The following PROX1 variants were observed in gnomAD, a reference collection of about 807,000 sequenced individuals.
The protein encoded by PROX1 is prospero homeobox protein 1.
In PROX1, 7 loss-of-function variants were observed where a neutral mutation model predicts 58.8. The ratio of observed to expected loss-of-function variants is 0.12; its 90% confidence interval spans 0.07 to 0.22. The LOEUF (loss-of-function observed/expected upper bound fraction) is 0.22. Ranked by LOEUF, PROX1 falls within the 10% of genes least tolerant of loss-of-function variation. The pLI is 1.00. For synonymous variants in PROX1, 350 were observed against 358.3 expected, an observed-to-expected ratio of 0.98 and a Z score of 0.26; for missense variants, 675 against 927.8, an observed-to-expected ratio of 0.73 and a Z score of 3.54.
At chr1:213,988,993 A>C (rs1254540154) in intron 1 of PROX1, among the ~76,000 whole-genome samples, 4 of 150,022 alleles carry the variant, frequency 2.7e-5, no homozygotes, top group Admixed American at 1.3e-4. Context: ...CGATCTCCCC[A>C]GGCTAAAACT....
chr1:214,039,923 A>G lies in PROX1; in HGVS notation c.*4089A>G, dbSNP rs752190967. The G allele has an allele frequency of 6.6e-6, 1 of 152,184 alleles. No individual in the cohort carries two copies. Among genetic ancestry groups the G allele is most frequent in the Non-Finnish European group, 1.5e-5 (1 of 68,030 alleles). 9.4% of individuals were successfully genotyped at this position (152,184 alleles called of 1,614,324 possible). A position where few individuals can be genotyped will look rare whatever the true frequency, so the allele number is the denominator to read the frequency against. ...ATCATAAATTTATGAAAGAAAGAGT[A>G]GTTTACAGACTCCCCTGAAAGAAGC... On this transcript the variant is annotated 3_prime_UTR_variant, in exon 5 of 5. Transcript: ENST00000366958.
At chr1:214,015,611 G>A (rs1664066524) in intron 4 of PROX1, among the ~76,000 whole-genome samples, 1 of 151,982 alleles carries the variant, frequency 6.6e-6, no homozygotes, top group Non-Finnish European at 1.5e-5. Flanking sequence ...GTTTTGCAAA[G>A]AGCTCCACCG....
chr1:214,008,102 A>G (rs1663780687), intron 3 of PROX1, among the ~76,000 whole-genome samples: 1 of 151,860 alleles, frequency 6.6e-6, no homozygotes, highest in Non-Finnish European at 1.5e-5. Flanking sequence ...CCCAGGCTGG[A>G]GTGCAATGGT....
chr1:214,027,359 G>A (rs1047369961), intron 4 of PROX1, among the ~76,000 whole-genome samples: 5 of 152,142 alleles, frequency 3.3e-5, no homozygotes, highest in Non-Finnish European at 7.3e-5. Flanking sequence ...TTGCCCATCA[G>A]GTCAGCATGA....
In PROX1 at chr1:213,997,279, A is replaced by G; in HGVS notation, c.744A>G (p.Lys248=). ...AACAGCAGCTGGAGGACATGCAGAA[A>G]CAGCTGCGCCAGCTGCAGGAAAAGT... is the stretch of plus-strand genomic sequence containing the variant. ...QLKQQLEDMQ[K]QLRQLQEKFY... The change falls in exon 2 of 5, where the codon AAA becomes AAG. Residue 248 remains lysine, a synonymous_variant. Coordinates refer to ENST00000366958, the MANE Select transcript of PROX1 (RefSeq NM_001270616.2). The surrounding 1 kb of genome is among the most constrained non-coding windows in gnomAD (Gnocchi z 7.1). The G allele has an allele frequency of 6.2e-7, 1 of 1,613,976 alleles. No individual in the cohort carries two copies.
chr1:214,033,289 C>T lies in PROX1; in HGVS notation c.2029-2360C>T, dbSNP rs529000312. Reference sequence around the variant, plus strand: ...GCTGATGAAACCACCCTTCTTGAAACGTTTATTTTAATAAATGCCTATAAT... The same window carrying T: ...GCTGATGAAACCACCCTTCTTGAAATGTTTATTTTAATAAATGCCTATAAT... On this transcript the variant is annotated intron_variant, in intron 4 of 4. Coordinates refer to ENST00000366958, the MANE Select transcript of PROX1 (RefSeq NM_001270616.2). Among the ~76,000 whole-genome samples the T allele has an allele frequency of 2.9e-4, 44 of 152,278 alleles. No individual in the cohort carries two copies. In the South Asian group the frequency reaches 8.1e-3, roughly 28 times the overall value.
intron 4 of PROX1, among the ~76,000 whole-genome samples, chr1:214,028,490 C>T (rs1664534585): frequency 6.6e-6 from 1 of 152,166 alleles, no homozygotes; most frequent in Non-Finnish European, 1.5e-5. Context: ...CAACTTTTCT[C>T]AACCGGTTGA....
intron 2 of PROX1, among the ~76,000 whole-genome samples, chr1:214,002,972 T>G (rs145267077): frequency 0.011 from 1,650 of 152,346 alleles, 12 homozygotes; most frequent in Non-Finnish European, 0.016. Flanking sequence ...CCATTTCAAC[T>G]GATCAGTTCC....
At chr1:214,027,875 A>T (rs562813849) in intron 4 of PROX1, among the ~76,000 whole-genome samples, 7 of 149,436 alleles carry the variant, frequency 4.7e-5, no homozygotes, top group Non-Finnish European at 7.4e-5. Context: ...TATATATATA[A>T]AAGAGATACA....
At chr1:214,001,621 T>C (rs545575291) in intron 2 of PROX1, among the ~76,000 whole-genome samples, 2 of 152,144 alleles carry the variant, frequency 1.3e-5, no homozygotes, top group South Asian at 4.1e-4. Context: ...TTAGAAAGAC[T>C]TGAAGTTTAG....
chr1:214,035,868 G>A lies in PROX1; in HGVS notation c.*34G>A. 1 of 1,571,154 alleles carries A rather than the reference G, an allele frequency of 6.4e-7. No homozygotes were observed. Among genetic ancestry groups the A allele is most frequent in the Non-Finnish European group, 8.7e-7 (1 of 1,154,034 alleles). ...ACAACTCTTTTTGAATGTATGAAGA[G>A]TAGCAGTCCCCTTTGGATGTCCAAG... On this transcript the variant is annotated 3_prime_UTR_variant, in exon 5 of 5. Transcript: ENST00000366958.
chr1:214,000,367 G>A (rs1380312242), intron 2 of PROX1, among the ~76,000 whole-genome samples: 11 of 152,148 alleles, frequency 7.2e-5, no homozygotes, highest in African/African-American at 2.7e-4. Flanking sequence ...ATTGAAATAA[G>A]TTCCTTTTAT....
Position 213,997,933 on chromosome 1 carries a change from G to A in PROX1, c.1398G>A (p.Gln466=), listed in dbSNP as rs755419605. Reference sequence around the variant, plus strand: ...GCGGCCACCACCAGCCCCTGCACCAGTCGCCTCTCTCTGCCACCACGGGCT... The same window carrying A: ...GCGGCCACCACCAGCCCCTGCACCAATCGCCTCTCTCTGCCACCACGGGCT... ...AAGGHHQPLH[Q]SPLSATTGFT... is the part of the protein sequence containing the mutation. Residue 466 remains glutamine, a synonymous_variant, in exon 2 of 5, where the codon CAG becomes CAA. Coordinates refer to ENST00000366958, the MANE Select transcript of PROX1 (RefSeq NM_001270616.2). The surrounding 1 kb of genome is among the most constrained non-coding windows in gnomAD (Gnocchi z 7.1). 4 of 1,613,660 alleles carry A rather than the reference G, an allele frequency of 2.5e-6. No homozygotes were observed. In the African/African-American group the frequency reaches 5.3e-5, roughly 22 times the overall value.
rs2102797251 is a variant in PROX1 at position 214,039,597 on chromosome 1, C to T, written c.*3763C>T. 1 of 152,266 alleles carries T rather than the reference C, an allele frequency of 6.6e-6. No individual in the cohort carries two copies. Among genetic ancestry groups the T allele is most frequent in the South Asian group, 2.1e-4 (1 of 4,830 alleles). 9.4% of individuals were successfully genotyped at this position (152,266 alleles called of 1,614,324 possible). ...ATTCTCACGACATCTGTTGAATTTA[C>T]TAGGAACACTACAGTGACTGTATAG... On this transcript the variant is annotated 3_prime_UTR_variant, in exon 5 of 5. Transcript: ENST00000366958.
At chr1:214,010,980 C>T (rs1052691115) in intron 3 of PROX1, among the ~76,000 whole-genome samples, 1 of 152,080 alleles carries the variant, frequency 6.6e-6, no homozygotes, top group African/African-American at 2.4e-5. Flanking sequence ...GGGAATCACT[C>T]ATTGCCAAAA....
intron 1 of PROX1, among the ~76,000 whole-genome samples, chr1:213,993,064 T>G (rs1663093847): frequency 6.6e-6 from 1 of 152,202 alleles, no homozygotes; most frequent in Non-Finnish European, 1.5e-5. Flanking sequence ...GGGAGGAATC[T>G]GCTATGTTAA....
At chr1:214,028,887 C>G (rs1049035316) in intron 4 of PROX1, 1 of 152,250 alleles carries the variant, frequency 6.6e-6, no homozygotes, top group African/African-American at 2.4e-5. Flanking sequence ...CTCCATGATT[C>G]CTCTTTTCAG....
In PROX1 at chr1:213,997,789, G is replaced by T. The variant is rs756436683; in HGVS notation, c.1254G>T (p.Pro418=). The change falls in exon 2 of 5, where the codon CCG becomes CCT. Residue 418 remains proline (P), a synonymous_variant. Transcript: ENST00000366958. The surrounding 1 kb of genome is among the most constrained non-coding windows in gnomAD (Gnocchi z 7.1). The stretch of plus-strand genomic sequence containing the variant: ...AGTGCTTTGGCGACGTCATCATTCC[G>T]AACCCCCTGGACACCTTTGGCAATG... ...RLQCFGDVII[P]NPLDTFGNVQ... The T allele has an allele frequency of 6.2e-7, 1 of 1,614,180 alleles. No individual in the cohort carries two copies.
In PROX1 at chr1:214,038,804, G is replaced by A. The variant is rs900582686; in HGVS notation, c.*2970G>A. On this transcript the variant is annotated 3_prime_UTR_variant, in exon 5 of 5. Coordinates refer to ENST00000366958, the MANE Select transcript of PROX1 (RefSeq NM_001270616.2). ...TTTTTTTCTGGCTGTTTGACATAAC[G>A]TTGATAGCTATGCATATTTTGTGTC... is the stretch of plus-strand genomic sequence containing the variant. The A allele has an allele frequency of 3.3e-5, 5 of 152,010 alleles. No homozygotes were observed. Among genetic ancestry groups the A allele is most frequent in the Non-Finnish European group, 5.9e-5 (4 of 68,008 alleles). 9.4% of individuals were successfully genotyped at this position (152,010 alleles called of 1,614,324 possible).
Sources: allele counts gnomAD v4.1 joint callset (sites outside exome capture counted in the v4.1 genomes callset), GRCh38; gene constraint gnomAD v4.1.1; non-coding constraint Gnocchi (gnomAD v3.1); transcripts MANE v1.5; gene names NCBI Gene and HGNC (gene_info 2026-07-23, HGNC 2026-07-21).